Variants in MGAT4C observed in about 807,000 individuals in gnomAD.
MGAT4C encodes the protein MGAT4 family member C.
Under a neutral mutation model 40.1 loss-of-function variants are expected in MGAT4C, and 19 were observed. That is an observed-to-expected ratio of 0.47 (90% CI 0.33 to 0.70). The LOEUF is 0.70. MGAT4C is among the 30% of genes least tolerant of loss of function. The probability of loss-of-function intolerance (pLI) is 0.02; values close to 1 mark genes in which losing one functional copy is unlikely to be tolerated. For synonymous variants in MGAT4C, 181 were observed against 187.1 expected (o/e 0.97, Z 0.27); for missense variants, 491 against 563.2 (o/e 0.87, Z 1.30).
At chr12:86,295,570 T>G (rs1953645918) in intron 4 of MGAT4C, among the ~76,000 whole-genome samples, 1 of 152,142 alleles carries the variant, frequency 6.6e-6, no homozygotes, top group Non-Finnish European at 1.5e-5. Flanking sequence ...GCTTCCACAG[T>G]GTGGAAGGGG....
chr12:86,218,331 C>T (rs888030621), intron 1 of MGAT4C, among the ~76,000 whole-genome samples: 2 of 151,854 alleles, frequency 1.3e-5, no homozygotes, highest in African/African-American at 4.8e-5. Context: ...TTTGATGAAC[C>T]CTTGATATTT....
intron 1 of MGAT4C, among the ~76,000 whole-genome samples, chr12:86,830,716 G>C (rs866863648): frequency 6.7e-6 from 1 of 149,596 alleles, no homozygotes; most frequent in Non-Finnish European, 1.5e-5. Context: ...GGCTCCTAAT[G>C]AAACAAACAA....
intron 4 of MGAT4C, among the ~76,000 whole-genome samples, chr12:86,301,465 C>G (rs899868324): frequency 6.6e-6 from 1 of 152,136 alleles, no homozygotes; most frequent in Admixed American, 6.6e-5. Flanking sequence ...CAGTAGTACT[C>G]TAAAATACAT....
chr12:86,628,442 T>A (rs1962897334), intron 2 of MGAT4C, among the ~76,000 whole-genome samples: 1 of 148,426 alleles, frequency 6.7e-6, no homozygotes, highest in African/African-American at 2.5e-5. Flanking sequence ...GACACATAAT[T>A]GTCAGATTAA....
At chr12:86,692,749 A>T (rs954158075) in intron 2 of MGAT4C, among the ~76,000 whole-genome samples, 1 of 152,178 alleles carries the variant, frequency 6.6e-6, no homozygotes, top group Non-Finnish European at 1.5e-5. Flanking sequence ...CCACCTATAC[A>T]GTCTTGGTTT....
chr12:86,406,104 T>C (rs1253448468), intron 3 of MGAT4C, among the ~76,000 whole-genome samples: 1 of 147,718 alleles, frequency 6.8e-6, no homozygotes, highest in Non-Finnish European at 1.5e-5. Flanking sequence ...AAGTTTCACC[T>C]AGTAAACAAA....
At chr12:86,401,940 C>G (rs912229648) in intron 3 of MGAT4C, among the ~76,000 whole-genome samples, 1 of 151,952 alleles carries the variant, frequency 6.6e-6, no homozygotes, top group African/African-American at 2.4e-5. Flanking sequence ...CTTGTACAAG[C>G]GCTTACAAAC....
intron 4 of MGAT4C, among the ~76,000 whole-genome samples, chr12:86,261,544 G>A (rs1952658184): frequency 6.6e-6 from 1 of 152,050 alleles, no homozygotes; most frequent in African/African-American, 2.4e-5. Context: ...CCTGAGAAAA[G>A]TAACTTTTAA....
Position 85,962,647 on chromosome 12 carries a change from C to T in MGAT4C, c.*16642G>A, listed in dbSNP as rs1298197106. 2 of 150,764 alleles carry T rather than the reference C, an allele frequency of 1.3e-5. No homozygotes were observed. Among genetic ancestry groups the T allele is most frequent in the East Asian group, 1.9e-4 (1 of 5,158 alleles). 9.3% of individuals were successfully genotyped at this position (150,764 alleles called of 1,614,324 possible). A position where few individuals can be genotyped will look rare whatever the true frequency, so the allele number is the denominator to read the frequency against. On this transcript the variant is annotated 3_prime_UTR_variant, in exon 5 of 5. Coordinates refer to ENST00000611864, the MANE Select transcript of MGAT4C (RefSeq NM_001351288.2). ...ATGTAGATTGTTTAAGTACATTCAA[C>T]TTGTAATGAACTGTAAACTTCACCC... is the stretch of plus-strand genomic sequence containing the variant.
chr12:86,669,485 C>T (rs1176423845), intron 2 of MGAT4C, among the ~76,000 whole-genome samples: 1 of 152,202 alleles, frequency 6.6e-6, no homozygotes, highest in African/African-American at 2.4e-5. Flanking sequence ...ATTTGGAGGA[C>T]CCATTCTCCT....
chr12:86,660,455 C>T (rs917234710), intron 2 of MGAT4C, among the ~76,000 whole-genome samples: 5 of 152,082 alleles, frequency 3.3e-5, no homozygotes, highest in African/African-American at 1.2e-4. Context: ...TAAAGATATG[C>T]ATTAAATATC....
Position 86,602,883 on chromosome 12 carries a change from C to CGTGTGT in MGAT4C, c.-229+124320_-229+124325dup, listed in dbSNP as rs35262458. Among the ~76,000 whole-genome samples the CGTGTGT allele has an allele frequency of 1.0e-2, 1,470 of 147,664 alleles. 22 individuals are homozygous for CGTGTGT. Among genetic ancestry groups the CGTGTGT allele is most frequent in the African/African-American group, 0.03 (1,209 of 40,122 alleles). ...AGTATCTCAAACACCTGCCCATCTG[C>CGTGTGT]GTGTGTGTGTGTGTGTGTGTGTGTG... On this transcript the variant is annotated intron_variant, in intron 2 of 7. Transcript: ENST00000548651.
intron 1 of MGAT4C, among the ~76,000 whole-genome samples, chr12:86,750,010 T>G (rs181032466): frequency 3.3e-5 from 5 of 151,858 alleles, no homozygotes; most frequent in Non-Finnish European, 5.9e-5. Context: ...AATGTATTTG[T>G]TGGATTGTTG....
chr12:86,610,670 C>A (rs1167134397), intron 2 of MGAT4C, among the ~76,000 whole-genome samples: 1 of 151,398 alleles, frequency 6.6e-6, no homozygotes, highest in Non-Finnish European at 1.5e-5. Flanking sequence ...ATGTGCCATG[C>A]TGGTGTGCTG....
chr12:85,957,657 C>CAAAAAAAAAAAAAAAAAAAAAAAAAAA lies in MGAT4C; in HGVS notation c.*21631_*21632insTTTTTTTTTTTTTTTTTTTTTTTTTTT, dbSNP rs5799763. 2 of 101,302 alleles carry CAAAAAAAAAAAAAAAAAAAAAAAAAAA rather than the reference C, an allele frequency of 2.0e-5. No individual in the cohort carries two copies. Among genetic ancestry groups the CAAAAAAAAAAAAAAAAAAAAAAAAAAA allele is most frequent in the African/African-American group, 4.0e-5 (1 of 24,744 alleles). 6.3% of individuals were successfully genotyped at this position (101,302 alleles called of 1,614,324 possible). A position where few individuals can be genotyped will look rare whatever the true frequency, so the allele number is the denominator to read the frequency against. ...TTTACTGTAGAGTTGAATAAGAAAG[C>CAAAAAAAAAAAAAAAAAAAAAAAAAAA]AAAAAAAAAAAAAAAAGAAAAAAGA... On this transcript the variant is annotated 3_prime_UTR_variant, in exon 5 of 5. Coordinates refer to ENST00000611864, the MANE Select transcript of MGAT4C (RefSeq NM_001351288.2).
At chr12:86,449,014 C>A (rs76702500) in intron 2 of MGAT4C, among the ~76,000 whole-genome samples, 3,450 of 152,202 alleles carry the variant, frequency 0.023, 131 homozygotes, top group African/African-American at 0.079. Flanking sequence ...TAAGCTTTTA[C>A]AAGATCTCTT....
At chr12:86,213,287 T>A (rs1275511443) in intron 1 of MGAT4C, among the ~76,000 whole-genome samples, 1 of 152,174 alleles carries the variant, frequency 6.6e-6, no homozygotes, top group Non-Finnish European at 1.5e-5. Flanking sequence ...ATCTGAGACC[T>A]AATGCTGTTT....
At chr12:86,555,627 G>A (rs1043995987) in intron 2 of MGAT4C, among the ~76,000 whole-genome samples, 1 of 152,148 alleles carries the variant, frequency 6.6e-6, no homozygotes, top group African/African-American at 2.4e-5. Context: ...GCTGTCCCAG[G>A]ATCGATTGTA....
intron 4 of MGAT4C, among the ~76,000 whole-genome samples, chr12:86,286,760 C>G (rs530676846): frequency 1.1e-4 from 16 of 151,588 alleles, no homozygotes; most frequent in Non-Finnish European, 2.4e-4. Flanking sequence ...CCTTGTAGGC[C>G]CTGGTGTCTG....
Sources: allele counts gnomAD v4.1 joint callset (sites outside exome capture counted in the v4.1 genomes callset), GRCh38; gene constraint gnomAD v4.1.1; transcripts MANE v1.5; gene names NCBI Gene and HGNC (gene_info 2026-07-23, HGNC 2026-07-21).